NKAIN2: variants seen among roughly 807,000 people sequenced by gnomAD.
NKAIN2 encodes sodium/potassium transporting ATPase interacting 2, also known as sodium/potassium-transporting ATPase subunit beta-1-interacting protein 2.
Under a neutral mutation model 32.6 loss-of-function variants are expected in NKAIN2, and 14 were observed. The observed-to-expected ratio is 0.43, with a 90% CI of 0.28 to 0.67. The LOEUF (loss-of-function observed/expected upper bound fraction) is 0.67. NKAIN2 is among the 30% of genes least tolerant of loss of function. The pLI is 0.17. For synonymous variants in NKAIN2, 80 were observed against 87.2 expected (o/e 0.92, Z 0.46); for missense variants, 198 against 258.3 (o/e 0.77, Z 1.60).
chr6:124,001,875 A>G (rs1779891022), intron 1 of NKAIN2, among the ~76,000 whole-genome samples: 1 of 149,660 alleles, frequency 6.7e-6, no homozygotes, highest in African/African-American at 2.5e-5. Flanking sequence ...AGTTACTCAA[A>G]GGAGGAACAT....
At chr6:123,993,079 G>T (rs1157744863) in intron 1 of NKAIN2, among the ~76,000 whole-genome samples, 1 of 152,090 alleles carries the variant, frequency 6.6e-6, no homozygotes, top group African/African-American at 2.4e-5. Context: ...GGATTAAATA[G>T]ACTAAACTAT....
chr6:123,914,156 C>A (rs235664), intron 1 of NKAIN2, among the ~76,000 whole-genome samples: 1 of 151,844 alleles, frequency 6.6e-6, no homozygotes. Context: ...CCCTCTTTCT[C>A]TCTTACCAGT....
At chr6:123,902,827 C>G (rs752462949) in intron 1 of NKAIN2, among the ~76,000 whole-genome samples, 4 of 152,186 alleles carry the variant, frequency 2.6e-5, no homozygotes, top group Non-Finnish European at 4.4e-5. Flanking sequence ...TGATTTTAAT[C>G]TAGCTTCATC....
intron 1 of NKAIN2, among the ~76,000 whole-genome samples, chr6:124,206,412 T>A (rs1175000338): frequency 6.6e-6 from 1 of 151,898 alleles, no homozygotes; most frequent in Non-Finnish European, 1.5e-5. Flanking sequence ...TCAGAAAGTT[T>A]GTTAGATTGT....
chr6:124,501,397 G>A (rs1778284907), intron 3 of NKAIN2, among the ~76,000 whole-genome samples: 1 of 152,126 alleles, frequency 6.6e-6, no homozygotes, highest in South Asian at 2.1e-4. Context: ...CATAATTAGT[G>A]TGCAGCAAAT....
chr6:124,044,530 A>G (rs1315024002), intron 1 of NKAIN2, among the ~76,000 whole-genome samples: 1 of 152,060 alleles, frequency 6.6e-6, no homozygotes, highest in South Asian at 2.1e-4. Flanking sequence ...GACCAGTCCC[A>G]AAGACTGGAA....
At chr6:123,849,759 A>G (rs1775237811) in intron 1 of NKAIN2, among the ~76,000 whole-genome samples, 1 of 152,128 alleles carries the variant, frequency 6.6e-6, no homozygotes, top group Non-Finnish European at 1.5e-5. Flanking sequence ...TCTGTGTTAA[A>G]TTACTTCTTG....
intron 3 of NKAIN2, among the ~76,000 whole-genome samples, chr6:124,598,465 T>G (rs2114975392): frequency 6.6e-6 from 1 of 152,236 alleles, no homozygotes; most frequent in South Asian, 2.1e-4. Context: ...TATATGGTTC[T>G]TGATGCAGAG....
chr6:123,835,702 C>G (rs1036885983), intron 1 of NKAIN2, among the ~76,000 whole-genome samples: 2 of 152,176 alleles, frequency 1.3e-5, no homozygotes, highest in African/African-American at 2.4e-5. Flanking sequence ...TGCACCTCTT[C>G]TCTTCAAAAC....
chr6:124,477,389 C>T (rs1777262949), intron 3 of NKAIN2, among the ~76,000 whole-genome samples: 1 of 152,120 alleles, frequency 6.6e-6, no homozygotes, highest in South Asian at 2.1e-4. Context: ...TAGTCCCTGT[C>T]TCATACAAGT....
intron 4 of NKAIN2, among the ~76,000 whole-genome samples, chr6:124,719,295 G>A (rs1003197224): frequency 2.0e-5 from 3 of 152,116 alleles, no homozygotes; most frequent in African/African-American, 7.2e-5. Flanking sequence ...AGAATATATA[G>A]GGAATGTTTC....
chr6:124,194,477 C>T (rs746815537), intron 1 of NKAIN2, among the ~76,000 whole-genome samples: 4 of 151,922 alleles, frequency 2.6e-5, no homozygotes, highest in Non-Finnish European at 5.9e-5. Context: ...AATGTTGATA[C>T]ATTTATATTT....
At chr6:124,788,686 G>C (rs893469550) in intron 4 of NKAIN2, among the ~76,000 whole-genome samples, 1 of 151,922 alleles carries the variant, frequency 6.6e-6, no homozygotes, top group Admixed American at 6.6e-5. Context: ...CCCATGATTC[G>C]ATTACCTCCC....
chr6:124,013,636 C>T (rs1293711051), intron 1 of NKAIN2, among the ~76,000 whole-genome samples: 2 of 152,108 alleles, frequency 1.3e-5, no homozygotes, highest in African/African-American at 4.8e-5. Flanking sequence ...ACCTAATCCC[C>T]AAAATCTGTG....
At chr6:124,648,469 G>T (rs145677339) in intron 3 of NKAIN2, among the ~76,000 whole-genome samples, 4,995 of 152,268 alleles carry the variant, frequency 0.033, 118 homozygotes, top group Middle Eastern at 0.061. Context: ...TATTGAGGAA[G>T]AAATCTCTTT....
intron 4 of NKAIN2, among the ~76,000 whole-genome samples, chr6:124,779,335 G>T (rs1235003606): frequency 7.7e-6 from 1 of 129,784 alleles, no homozygotes; most frequent in Non-Finnish European, 1.7e-5. Context: ...AAGGAAGGAA[G>T]GAAGGAAGGA....
intron 3 of NKAIN2, among the ~76,000 whole-genome samples, chr6:124,635,221 A>C (rs1260603152): frequency 6.6e-6 from 1 of 151,958 alleles, no homozygotes; most frequent in African/African-American, 2.4e-5. Context: ...CCAGCCATAC[A>C]AAAAAATGCT....
At chr6:124,711,192 A>C (rs1213478243) in intron 4 of NKAIN2, among the ~76,000 whole-genome samples, 1 of 126,344 alleles carries the variant, frequency 7.9e-6, no homozygotes, top group Non-Finnish European at 1.6e-5. Context: ...GTTTCTGCTG[A>C]GAGATCCGCT....
intron 1 of NKAIN2, among the ~76,000 whole-genome samples, chr6:124,170,974 C>A (rs978778933): frequency 3.3e-5 from 5 of 151,942 alleles, no homozygotes; most frequent in African/African-American, 1.2e-4. Context: ...GAAAATTTAC[C>A]GTGATTTCTT....
Sources: allele counts gnomAD v4.1 joint callset (sites outside exome capture counted in the v4.1 genomes callset), GRCh38; gene constraint gnomAD v4.1.1; transcripts MANE v1.5; gene names NCBI Gene and HGNC (gene_info 2026-07-23, HGNC 2026-07-21).